NFE2L1: variants seen among roughly 807,000 people sequenced by gnomAD.
The protein encoded by NFE2L1 is NFE2 like bZIP transcription factor 1, also known as endoplasmic reticulum membrane sensor NFE2L1.
NFE2L1 carries 18 observed loss-of-function variants against 61.6 expected under a neutral mutation model. The observed-to-expected ratio is 0.29, with a 90% CI of 0.20 to 0.43. The LOEUF is 0.43. Ranked by LOEUF, NFE2L1 falls within the 20% of genes least tolerant of loss-of-function variation. NFE2L1 has a pLI of 1.00. For missense variants in NFE2L1, 827 were observed against 973.5 expected (o/e 0.85, Z 2.00); for synonymous variants, 419 against 402.7 (o/e 1.04, Z -0.48).
At chr17:48,052,168 C>A (rs1385469803) in intron 2 of NFE2L1, among the ~76,000 whole-genome samples, 1 of 152,168 alleles carries the variant, frequency 6.6e-6, no homozygotes, top group Non-Finnish European at 1.5e-5. Flanking sequence ...GGCTTCCAAT[C>A]TTTGCAAAAG....
chr17:48,053,439 C>T (rs750454990), intron 2 of NFE2L1, among the ~76,000 whole-genome samples: 11 of 152,098 alleles, frequency 7.2e-5, no homozygotes, highest in Non-Finnish European at 1.0e-4. Context: ...ATAAAAATAC[C>T]CAGGTCCAGA....
At chr17:48,049,518 G>A (rs2037191209) in intron 1 of NFE2L1, among the ~76,000 whole-genome samples, 1 of 151,936 alleles carries the variant, frequency 6.6e-6, no homozygotes, top group Admixed American at 6.6e-5. Context: ...TCAGCCTCCC[G>A]AGTAGCTGGG....
rs181265059 is a variant in NFE2L1 at position 48,052,241 on chromosome 17, C to T, written c.510+613C>T. On this transcript the variant is annotated intron_variant, in intron 2 of 5. Transcript: ENST00000362042. ...TAGAAAGAGAAACTGCATTCTGCTG[C>T]CCAAGTCAACTTGCTTTGAGCTGTC... 2.9e-3 allele frequency among the ~76,000 whole-genome samples: 446 copies of T among 152,292 alleles called. 2 individuals carry two copies. In the Middle Eastern group the frequency reaches 0.031, roughly 10 times the overall value.
chr17:48,054,394 A>T, intron 2 of NFE2L1: 1 of 216,048 alleles, frequency 4.6e-6, no homozygotes, highest in African/African-American at 2.3e-5. Context: ...GCCCTGATGC[A>T]GAGATTGGCT....
chr17:48,052,414 C>G (rs1047901429), intron 2 of NFE2L1, among the ~76,000 whole-genome samples: 3 of 152,188 alleles, frequency 2.0e-5, no homozygotes, highest in Admixed American at 2.0e-4. Flanking sequence ...TTGTATGGCT[C>G]TCGCTTGCCA....
Position 48,051,444 on chromosome 17 carries a change from C to G in NFE2L1, c.326C>G (p.Pro109Arg). Residue 109 changes from proline (P) to arginine (R), a missense_variant, in exon 2 of 6, where the codon CCA becomes CGA. Physicochemically the swap from Pro to Arg is moderately radical, Grantham distance 103 (BLOSUM62 -2). This residue lies in a region of NFE2L1 where 667 missense variants were observed against 748.4 expected (regional missense o/e 0.89). Coordinates refer to ENST00000362042, the MANE Select transcript of NFE2L1 (RefSeq NM_003204.3). ...EVNAWLVHRD[P>R]EGSVSGSQPN... ...AATGCCTGGCTGGTTCACCGAGACC[C>G]AGAGGGGTCTGTCTCTGGCAGTCAG... 1 of 1,614,202 alleles carries G rather than the reference C, an allele frequency of 6.2e-7. No homozygotes were observed. Among genetic ancestry groups the G allele is most frequent in the Non-Finnish European group, 8.5e-7 (1 of 1,180,044 alleles).
intron 3 of NFE2L1, 81 bp downstream of exon 3, chr17:48,056,679 T>G (rs1422454975): frequency 2.0e-6 from 3 of 1,524,950 alleles, no homozygotes; most frequent in Non-Finnish European, 2.7e-6. Flanking sequence ...TTCCAGAAAC[T>G]TCCTTTAGAG....
In NFE2L1 at chr17:48,058,910, T is replaced by C. The variant is rs1312241504; in HGVS notation, c.1588T>C (p.Ser530Pro). The C allele has an allele frequency of 3.1e-6, 5 of 1,613,764 alleles. No homozygotes were observed. Among genetic ancestry groups the C allele is most frequent in the South Asian group, 1.1e-5 (1 of 91,090 alleles). Residue 530 changes from serine (S) to proline (P), a missense_variant, in exon 6 of 6, where the codon TCT (serine) becomes CCT (proline). Transcript: ENST00000362042. ...EEGAVGYSSD[S>P]ETLDLEEAEG... is the part of the protein sequence containing the mutation. Reference sequence around the variant, plus strand: ...AGGTGCGGTTGGCTACAGCTCTGACTCTGAGACCCTGGATCTGGAAGAGGC... The same window carrying C: ...AGGTGCGGTTGGCTACAGCTCTGACCCTGAGACCCTGGATCTGGAAGAGGC...
At position 48,059,371 on chromosome 17, in the gene NFE2L1, G is replaced by T; in HGVS notation, c.2049G>T (p.Glu683Asp). Residue 683 changes from glutamate (E) to aspartate (D), a missense_variant, in exon 6 of 6, where the codon GAG becomes GAT. Physicochemically the swap from Glu to Asp is conservative, Grantham distance 45. Coordinates refer to ENST00000362042, the MANE Select transcript of NFE2L1 (RefSeq NM_003204.3). This position sits in a 1 kb window ranked among gnomAD's most constrained non-coding sequence, Gnocchi z 6.1. ...KRKLDTILNL[E>D]RDVEDLQRDK... Reference sequence around the variant, plus strand: ...AGCTGGACACCATCCTGAATCTGGAGCGTGATGTGGAGGACCTGCAGCGTG... The same window carrying T: ...AGCTGGACACCATCCTGAATCTGGATCGTGATGTGGAGGACCTGCAGCGTG... 1 of 1,614,246 alleles carries T rather than the reference G, an allele frequency of 6.2e-7. No individual in the cohort carries two copies. The highest frequency in any genetic ancestry group is 8.5e-7 in the Non-Finnish European group (1 of 1,180,046).
intron 4 of NFE2L1, 58 bp from the exon 5 acceptor site, chr17:48,057,286 G>A: frequency 6.2e-7 from 1 of 1,600,332 alleles, no homozygotes; most frequent in Non-Finnish European, 8.5e-7. Flanking sequence ...GTAATCTCTG[G>A]GAGGAAAGCA....
In NFE2L1 at chr17:48,050,760, A is replaced by G. The variant is rs8067470; in HGVS notation, c.-359A>G. 62,436 of 498,524 alleles carry G rather than the reference A, an allele frequency of 0.13. 5,261 individuals are homozygous for G. The highest frequency in any genetic ancestry group is 0.3 in the African/African-American group (15,740 of 52,138). The allele number at this position is 498,524 out of a possible 1,614,324, so 30.9% of individuals were successfully genotyped here. ...GTTCCTGAGAACAGCCTGCATTGGA[A>G]TCTACAGAGAGGACAACTAATGTGA... is the stretch of plus-strand genomic sequence containing the variant. On this transcript the variant is annotated 5_prime_UTR_variant, in exon 2 of 6. Coordinates refer to ENST00000362042, the MANE Select transcript of NFE2L1 (RefSeq NM_003204.3).
intron 2 of NFE2L1, among the ~76,000 whole-genome samples, chr17:48,055,510 C>G (rs1025434668): frequency 6.6e-6 from 1 of 151,916 alleles, no homozygotes; most frequent in Non-Finnish European, 1.5e-5. Context: ...GCAGTTGTAG[C>G]TGAGCAGTGA....
chr17:48,059,461 G>A lies in NFE2L1; in HGVS notation c.2139G>A (p.Lys713=), dbSNP rs767937969. The A allele has an allele frequency of 6.2e-7, 1 of 1,614,166 alleles. No homozygotes were observed. The highest frequency in any genetic ancestry group is 8.5e-7 in the Non-Finnish European group (1 of 1,180,024). ...FLRSLRQMKQ[K]VQSLYQEVFG... Reference sequence around the variant, plus strand: ...GCTCCCTGCGACAGATGAAGCAGAAGGTCCAGAGCCTGTACCAGGAGGTGT... The same window carrying A: ...GCTCCCTGCGACAGATGAAGCAGAAAGTCCAGAGCCTGTACCAGGAGGTGT... Residue 713 remains lysine, a synonymous_variant, in exon 6 of 6, where the codon AAG becomes AAA. Transcript: ENST00000362042. This position sits in a 1 kb window ranked among gnomAD's most constrained non-coding sequence, Gnocchi z 6.1.
chr17:48,058,905 C>G lies in NFE2L1; in HGVS notation c.1583C>G (p.Ser528Cys). 1 of 1,613,872 alleles carries G rather than the reference C, an allele frequency of 6.2e-7. No individual in the cohort carries two copies. The highest frequency in any genetic ancestry group is 1.1e-5 in the South Asian group (1 of 91,086). ...FSEEGAVGYS[S>C]DSETLDLEEA... ...GAGGAAGGTGCGGTTGGCTACAGCTCTGACTCTGAGACCCTGGATCTGGAA... is the reference window on the plus strand; with the variant it reads ...GAGGAAGGTGCGGTTGGCTACAGCTGTGACTCTGAGACCCTGGATCTGGAA... Residue 528 changes from serine (S) to cysteine (C), a missense_variant, in exon 6 of 6, where the codon TCT becomes TGT. Ser to Cys is a moderately radical substitution (Grantham distance 112, BLOSUM62 -1). Transcript: ENST00000362042.
intron 2 of NFE2L1, 81 bp downstream of exon 2, chr17:48,051,709 GC>G (rs2037257131): frequency 6.6e-7 from 1 of 1,505,746 alleles, no homozygotes. Context: ...AGAACACTGA[GC>G]CCTGTAAAGA....
rs1393060783 is a variant in NFE2L1 at position 48,057,327 on chromosome 17, T to A, written c.814-17T>A. ...TTTTTCCTTCCCCCTTGTTAAAGCC[T>A]CTGTGTTTTGCCCTAGTTTCCAGCA... is the stretch of plus-strand genomic sequence containing the variant. On this transcript the variant is annotated splice_polypyrimidine_tract_variant and intron_variant, in intron 4 of 5. Coordinates refer to ENST00000362042, the MANE Select transcript of NFE2L1 (RefSeq NM_003204.3). 1 of 1,611,934 alleles carries A rather than the reference T, an allele frequency of 6.2e-7. No homozygotes were observed. Among genetic ancestry groups the A allele is most frequent in the Admixed American group, 1.7e-5 (1 of 59,494 alleles).
chr17:48,054,720 C>A (rs2037347551), intron 2 of NFE2L1: 2 of 1,292,492 alleles, frequency 1.5e-6, no homozygotes, highest in Non-Finnish European at 2.0e-6. Context: ...AGCTTGAGCA[C>A]GGAGCATGGG....
intron 3 of NFE2L1, 22 bp from the exon 4 acceptor site, chr17:48,057,010 C>T (rs373080785): frequency 1.1e-5 from 17 of 1,613,222 alleles, no homozygotes; most frequent in Middle Eastern, 1.7e-4. Context: ...GTCAATCAGA[C>T]TTACAGTTCC....
At chr17:48,056,951 T>C in intron 3 of NFE2L1, 81 bp from the exon 4 acceptor site, 1 of 1,428,966 alleles carries the variant, frequency 7.0e-7, no homozygotes, top group Non-Finnish European at 9.7e-7. Flanking sequence ...ACTGCAGGGC[T>C]TCAGCCATTC....
Sources: allele counts gnomAD v4.1 joint callset (sites outside exome capture counted in the v4.1 genomes callset), GRCh38; gene constraint gnomAD v4.1.1; regional missense constraint gnomAD v4.1.1; non-coding constraint Gnocchi (gnomAD v3.1); transcripts MANE v1.5; gene names NCBI Gene and HGNC (gene_info 2026-07-23, HGNC 2026-07-21).